The following ANKS1B variants were observed in gnomAD, a reference collection of about 807,000 sequenced individuals.
ANKS1B encodes ankyrin repeat and sterile alpha motif domain-containing protein 1B.
ANKS1B carries 36 observed loss-of-function variants against 148.3 expected under a neutral mutation model. The observed-to-expected ratio is 0.24, with a 90% CI of 0.19 to 0.32. The LOEUF is 0.32. Ranked by LOEUF, ANKS1B falls within the 10% of genes least tolerant of loss-of-function variation. The probability of loss-of-function intolerance (pLI) is 1.00; values close to 1 mark genes in which losing one functional copy is unlikely to be tolerated. For missense variants in ANKS1B, 1,157 were observed against 1,542.6 expected (o/e 0.75, Z 4.19); for synonymous variants, 542 against 560.8 (o/e 0.97, Z 0.47).
intron 9 of ANKS1B, among the ~76,000 whole-genome samples, chr12:99,581,677 T>C (rs942073983): frequency 2.0e-4 from 30 of 149,696 alleles, no homozygotes; most frequent in Non-Finnish European, 1.9e-4. Flanking sequence ...GATCATGAGG[T>C]CAGGAGATCG....
At chr12:99,514,706 T>TTTA (rs1165578932) in intron 9 of ANKS1B, among the ~76,000 whole-genome samples, 1 of 152,098 alleles carries the variant, frequency 6.6e-6, no homozygotes, top group Non-Finnish European at 1.5e-5. Flanking sequence ...TGACCAGATA[T>TTTA]TTATTGCCAG....
intron 17 of ANKS1B, among the ~76,000 whole-genome samples, chr12:99,047,423 A>T (rs987411029): frequency 2.0e-5 from 3 of 152,170 alleles, no homozygotes; most frequent in African/African-American, 7.2e-5. Context: ...AATTTAAGAG[A>T]TAATGACTAA....
At chr12:98,853,452 C>T (rs1323935039) in intron 17 of ANKS1B, among the ~76,000 whole-genome samples, 1 of 152,146 alleles carries the variant, frequency 6.6e-6, no homozygotes, top group Non-Finnish European at 1.5e-5. Context: ...CGTAAGCATG[C>T]TGAGCAGAGG....
At chr12:99,814,732 G>T (rs1473734711) in intron 2 of ANKS1B, among the ~76,000 whole-genome samples, 1 of 151,748 alleles carries the variant, frequency 6.6e-6, no homozygotes, top group African/African-American at 2.4e-5. Flanking sequence ...AGAATTTAGA[G>T]ATTACATCTT....
rs1460716309 is a variant in ANKS1B, at chr12:98,925,829, T to G, written c.2779-93693A>C. Among the ~76,000 whole-genome samples the G allele has an allele frequency of 8.5e-5, 13 of 152,336 alleles. 1 individual carries two copies. Among genetic ancestry groups the G allele is most frequent in the Admixed American group, 8.5e-4 (13 of 15,284 alleles). On this transcript the variant is annotated intron_variant, in intron 17 of 26. Transcript: ENST00000683438. ...TTAAGAAAGCTCCATTCTTATAGTT[T>G]GTCTTTATTTGCCTTGACTTAAAGC...
At chr12:99,166,884 C>T (rs693374) in intron 14 of ANKS1B, among the ~76,000 whole-genome samples, 126,969 of 151,476 alleles carry the variant, frequency 0.84, 53,656 homozygotes, top group East Asian at 0.99. Flanking sequence ...CATGGTTATC[C>T]ACATATTAGG....
intron 8 of ANKS1B, among the ~76,000 whole-genome samples, chr12:99,664,476 T>C (rs1411017976): frequency 6.6e-6 from 1 of 152,030 alleles, no homozygotes; most frequent in African/African-American, 2.4e-5. Flanking sequence ...AAAAGGTAGA[T>C]GTATGTAGAA....
At chr12:99,570,256 T>C (rs769562608) in intron 9 of ANKS1B, among the ~76,000 whole-genome samples, 38 of 152,082 alleles carry the variant, frequency 2.5e-4, no homozygotes, top group African/African-American at 9.2e-4. Flanking sequence ...TATGTCACAA[T>C]TGAGGAAATT....
chr12:99,203,697 C>G (rs184661345), intron 14 of ANKS1B, among the ~76,000 whole-genome samples: 1 of 152,086 alleles, frequency 6.6e-6, no homozygotes, highest in Non-Finnish European at 1.5e-5. Flanking sequence ...GTGATCCACC[C>G]GCCTCAGCCT....
chr12:98,993,270 C>T (rs771755330), intron 17 of ANKS1B, among the ~76,000 whole-genome samples: 3 of 152,142 alleles, frequency 2.0e-5, no homozygotes, highest in Non-Finnish European at 4.4e-5. Flanking sequence ...CAGGTTCCAG[C>T]GATTCATACA....
At chr12:99,465,046 G>C (rs1303937137) in intron 10 of ANKS1B, among the ~76,000 whole-genome samples, 1 of 152,192 alleles carries the variant, frequency 6.6e-6, no homozygotes, top group East Asian at 1.9e-4. Context: ...CAGAGAGAAA[G>C]GTCGGGTTAC....
In ANKS1B at chr12:99,097,611, T is replaced by C. The variant is rs563626267; in HGVS notation, c.2527-12588A>G. Reference sequence around the variant, plus strand: ...AAGAATATACAGTTCTTCATAATCATGTGACATTATAAAAAATCAGAAGTA... The same window carrying C: ...AAGAATATACAGTTCTTCATAATCACGTGACATTATAAAAAATCAGAAGTA... On this transcript the variant is annotated intron_variant, in intron 15 of 26. Transcript: ENST00000683438. 14 of 152,346 alleles carry C rather than the reference T, an allele frequency of 9.2e-5. No individual in the cohort carries two copies. The South Asian group carries it at 2.9e-3, about 32-fold the overall frequency. 9.4% of individuals were successfully genotyped at this position (152,346 alleles called of 1,614,324 possible). A position where few individuals can be genotyped will look rare whatever the true frequency, so the allele number is the denominator to read the frequency against.
intron 17 of ANKS1B, among the ~76,000 whole-genome samples, chr12:98,986,874 C>T (rs1372341538): frequency 6.6e-6 from 1 of 152,048 alleles, no homozygotes; most frequent in Admixed American, 6.6e-5. Flanking sequence ...CTGCCTTGGC[C>T]TCCGAAAGTG....
intron 9 of ANKS1B, among the ~76,000 whole-genome samples, chr12:99,617,090 A>C (rs1310795974): frequency 1.3e-5 from 2 of 152,212 alleles, no homozygotes; most frequent in Non-Finnish European, 2.9e-5. Flanking sequence ...AACTACAATG[A>C]GATACCACCT....
At chr12:98,833,988 G>A (rs1311140090) in intron 17 of ANKS1B, among the ~76,000 whole-genome samples, 1 of 152,050 alleles carries the variant, frequency 6.6e-6, no homozygotes, top group Non-Finnish European at 1.5e-5. Flanking sequence ...CCTATTTGTT[G>A]GTTAACTTAC....
At chr12:99,373,390 A>G (rs2093242132) in intron 12 of ANKS1B, among the ~76,000 whole-genome samples, 1 of 152,166 alleles carries the variant, frequency 6.6e-6, no homozygotes, top group Admixed American at 6.5e-5. Flanking sequence ...TTGCTTGACT[A>G]GAATCCTCCT....
intron 12 of ANKS1B, among the ~76,000 whole-genome samples, chr12:99,384,904 A>G (rs957077897): frequency 6.6e-6 from 1 of 152,176 alleles, no homozygotes; most frequent in Non-Finnish European, 1.5e-5. Flanking sequence ...TTGCCTGGAT[A>G]TTAACATTTT....
rs778375079 is a variant in ANKS1B at position 98,975,237 on chromosome 12, CT to C, written c.2778+77919del. On this transcript the variant is annotated intron_variant, in intron 17 of 26. Coordinates refer to ENST00000683438, the MANE Select transcript of ANKS1B (RefSeq NM_001352186.2). ...TTCCTTCCTCCCTCCCATCTCCTTC[CT>C]TCCTTCCTTCTTTCTTTCCTTCATT... Among the ~76,000 whole-genome samples, 19 of 136,944 alleles carry C rather than the reference CT, an allele frequency of 1.4e-4. 1 individual carries two copies. Among genetic ancestry groups the C allele is most frequent in the Non-Finnish European group, 2.8e-4 (18 of 63,232 alleles). 89.8% of individuals were successfully genotyped at this position (136,944 alleles called of 152,430 possible).
chr12:99,872,548 T>C (rs569607308), intron 1 of ANKS1B, among the ~76,000 whole-genome samples: 2 of 152,196 alleles, frequency 1.3e-5, no homozygotes, highest in East Asian at 3.9e-4. Flanking sequence ...AAATAAGGAC[T>C]TGATATTTAG....
Sources: gnomAD v4.1 joint callset for allele counts (sites outside exome capture counted in the v4.1 genomes callset) on GRCh38, gnomAD v4.1.1 for gene constraint, MANE v1.5 for transcripts, NCBI Gene and HGNC (gene_info 2026-07-23, HGNC 2026-07-21) for gene names.